The following SMAD1 variants were observed in gnomAD, a reference collection of about 807,000 sequenced individuals.
The protein encoded by SMAD1 is MAD, mothers against decapentaplegic homolog 1.
SMAD1 carries 6 observed loss-of-function variants against 41.6 expected under a neutral mutation model. That is an observed-to-expected ratio of 0.14 (90% confidence interval 0.08 to 0.28). The LOEUF (loss-of-function observed/expected upper bound fraction) is 0.28. SMAD1 is among the 10% of genes least tolerant of loss of function. The pLI is 1.00. For missense variants in SMAD1, 379 were observed against 582.6 expected, an observed-to-expected ratio of 0.65 and a Z score of 3.60; for synonymous variants, 206 against 203.2, an observed-to-expected ratio of 1.01 and a Z score of -0.12.
At chr4:145,508,784 A>T (rs535307846) in intron 1 of SMAD1, among the ~76,000 whole-genome samples, 1 of 152,300 alleles carries the variant, frequency 6.6e-6, no homozygotes, top group South Asian at 2.1e-4. Flanking sequence ...GTAACTGGGA[A>T]ATCCAAGATC....
At chr4:145,552,345 A>G (rs958410627) in intron 5 of SMAD1, among the ~76,000 whole-genome samples, 4 of 152,254 alleles carry the variant, frequency 2.6e-5, no homozygotes, top group African/African-American at 4.8e-5. Flanking sequence ...GTGAGACACA[A>G]TATAGCCTTG....
At chr4:145,524,335 T>C (rs1047420478) in intron 2 of SMAD1, among the ~76,000 whole-genome samples, 1 of 152,224 alleles carries the variant, frequency 6.6e-6, no homozygotes, top group Non-Finnish European at 1.5e-5. Flanking sequence ...TTTTTTTTCT[T>C]TTCTGAGCAA....
At chr4:145,495,647 G>A (rs1016723873) in intron 1 of SMAD1, among the ~76,000 whole-genome samples, 14 of 147,378 alleles carry the variant, frequency 9.5e-5, no homozygotes, top group Non-Finnish European at 1.9e-4. Context: ...ACTAGACAGG[G>A]TCTTGCTATG....
intron 1 of SMAD1, among the ~76,000 whole-genome samples, chr4:145,494,514 A>C (rs1728955195): frequency 6.6e-6 from 1 of 152,200 alleles, no homozygotes; most frequent in Admixed American, 6.5e-5. Flanking sequence ...CAGTGTCTTT[A>C]TGATCTTTGT....
chr4:145,530,081 C>G (rs1449939277), intron 2 of SMAD1, among the ~76,000 whole-genome samples: 2 of 152,288 alleles, frequency 1.3e-5, no homozygotes, highest in Non-Finnish European at 2.9e-5. Flanking sequence ...AGGTGCCAGA[C>G]ACTGGCACCT....
intron 1 of SMAD1, among the ~76,000 whole-genome samples, chr4:145,490,697 T>G (rs1432320107): frequency 6.6e-6 from 1 of 152,196 alleles, no homozygotes; most frequent in African/African-American, 2.4e-5. Flanking sequence ...ATGAGAATCT[T>G]GGTAATGAAG....
At chr4:145,528,641 T>A (rs1680298765) in intron 2 of SMAD1, among the ~76,000 whole-genome samples, 1 of 152,254 alleles carries the variant, frequency 6.6e-6, no homozygotes, top group Non-Finnish European at 1.5e-5. Context: ...TTAATTCAGC[T>A]GCAGTTACAA....
chr4:145,524,560 C>T (rs1007392682), intron 2 of SMAD1, among the ~76,000 whole-genome samples: 5 of 152,146 alleles, frequency 3.3e-5, no homozygotes, highest in African/African-American at 9.7e-5. Context: ...AATTTTAAGA[C>T]AGTAGTCTAT....
chr4:145,537,681 G>T (rs747032279), intron 2 of SMAD1, among the ~76,000 whole-genome samples: 2 of 152,112 alleles, frequency 1.3e-5, no homozygotes, highest in Non-Finnish European at 2.9e-5. Flanking sequence ...CATTGGATGA[G>T]TCTCACATTT....
At chr4:145,507,864 C>T (rs1166574261) in intron 1 of SMAD1, among the ~76,000 whole-genome samples, 4 of 152,102 alleles carry the variant, frequency 2.6e-5, no homozygotes, top group African/African-American at 9.7e-5. Flanking sequence ...GTATCATGGA[C>T]TCATTTGAGT....
chr4:145,519,126 C>T (rs1237726664), intron 2 of SMAD1, among the ~76,000 whole-genome samples: 2 of 75,644 alleles, frequency 2.6e-5, no homozygotes, highest in African/African-American at 8.2e-5. Flanking sequence ...GGTAGAGTCT[C>T]GCTCTGTTGA....
intron 2 of SMAD1, among the ~76,000 whole-genome samples, chr4:145,516,179 C>G (rs1291271458): frequency 6.6e-6 from 1 of 152,086 alleles, no homozygotes; most frequent in Non-Finnish European, 1.5e-5. Flanking sequence ...GAATCTGACG[C>G]TTATCATTCT....
intron 2 of SMAD1, among the ~76,000 whole-genome samples, chr4:145,519,818 C>T (rs1474947162): frequency 2.0e-5 from 3 of 152,072 alleles, no homozygotes; most frequent in Non-Finnish European, 4.4e-5. Context: ...TCCCTGCAGC[C>T]CCTGATAACC....
intron 2 of SMAD1, among the ~76,000 whole-genome samples, chr4:145,531,802 CAGGT>C (rs1244634435): frequency 4.0e-5 from 6 of 151,892 alleles, no homozygotes; most frequent in African/African-American, 1.2e-4. Context: ...TGCCAGGTAA[CAGGT>C]AGCTTGTGTC....
intron 1 of SMAD1, among the ~76,000 whole-genome samples, chr4:145,491,624 C>G (rs1380681449): frequency 1.3e-5 from 2 of 152,120 alleles, no homozygotes. Flanking sequence ...ATTTCCCAGC[C>G]TCCTAGGAGA....
chr4:145,505,620 A>G (rs1353171101), intron 1 of SMAD1, among the ~76,000 whole-genome samples: 1 of 150,950 alleles, frequency 6.6e-6, no homozygotes, highest in Non-Finnish European at 1.5e-5. Context: ...CTCTGTCAAA[A>G]AAAAAAAAAA....
intron 1 of SMAD1, among the ~76,000 whole-genome samples, chr4:145,488,475 T>TG (rs1344177128): frequency 2.5e-4 from 29 of 115,428 alleles, no homozygotes; most frequent in Middle Eastern, 8.2e-3. Context: ...TCCCTGTCTT[T>TG]TTGTGTGTGT....
chr4:145,494,331 TAGAC>T (rs987963666), intron 1 of SMAD1, among the ~76,000 whole-genome samples: 9 of 152,206 alleles, frequency 5.9e-5, no homozygotes, highest in Non-Finnish European at 1.2e-4. Flanking sequence ...GTGTATCTCT[TAGAC>T]AGCTTGATAA....
chr4:145,492,819 A>G (rs1243911660), intron 1 of SMAD1, among the ~76,000 whole-genome samples: 1 of 152,248 alleles, frequency 6.6e-6, no homozygotes, highest in Non-Finnish European at 1.5e-5. Flanking sequence ...GCTGTATGCC[A>G]GAAACAAGGT....
Sources: gnomAD v4.1 joint callset for allele counts (sites outside exome capture counted in the v4.1 genomes callset) on GRCh38, gnomAD v4.1.1 for gene constraint, MANE v1.5 for transcripts, NCBI Gene and HGNC (gene_info 2026-07-23, HGNC 2026-07-21) for gene names.